Variants in LAPTM4B observed in about 807,000 individuals in gnomAD.
LAPTM4B encodes lysosomal-associated transmembrane protein 4B.
In LAPTM4B, 26 loss-of-function variants were observed where a neutral mutation model predicts 28.5. The ratio of observed to expected loss-of-function variants is 0.91; its 90% CI spans 0.67 to 1.27. The LOEUF (loss-of-function observed/expected upper bound fraction) is 1.27. Ranked by LOEUF, LAPTM4B falls within the 50% of genes most tolerant of loss-of-function variation. The pLI, the probability that LAPTM4B is intolerant of heterozygous loss-of-function variation, is 0.00. For synonymous variants in LAPTM4B, 109 were observed against 106.4 expected (o/e 1.02, Z -0.15); for missense variants, 288 against 285.8 (o/e 1.01, Z -0.06).
intron 6 of LAPTM4B, among the ~76,000 whole-genome samples, chr8:97,841,392 A>G (rs1449263478): frequency 1.3e-5 from 2 of 152,190 alleles, no homozygotes; most frequent in Admixed American, 6.5e-5. Context: ...CAATGGCACG[A>G]TCTTGGCTTA....
At chr8:97,832,859 G>A (rs1190033894) in intron 6 of LAPTM4B, among the ~76,000 whole-genome samples, 8 of 149,212 alleles carry the variant, frequency 5.4e-5, no homozygotes, top group South Asian at 2.1e-4. Flanking sequence ...GGTGCGCACC[G>A]CCACGCCTGG....
In LAPTM4B at chr8:97,775,951, C is replaced by A. The variant is rs562047277; in HGVS notation, c.-59C>A. Reference sequence around the variant, plus strand: ...CAGCAGCGGCGCGGCGGGCTCCAGGCGAGGCGGTCGACGCTCCTGAAAACT... The same window carrying A: ...CAGCAGCGGCGCGGCGGGCTCCAGGAGAGGCGGTCGACGCTCCTGAAAACT... On this transcript the variant is annotated 5_prime_UTR_variant, in exon 1 of 7. Transcript: ENST00000521545. The A allele has an allele frequency of 2.3e-4, 352 of 1,502,152 alleles. 5 individuals are homozygous for A. The South Asian group carries it at 4.0e-3, about 17-fold the overall frequency. The allele number at this position is 1,502,152 out of a possible 1,614,324, so 93.1% of individuals were successfully genotyped here.
intron 1 of LAPTM4B, among the ~76,000 whole-genome samples, chr8:97,778,076 A>C (rs1024057700): frequency 3.3e-5 from 5 of 152,204 alleles, no homozygotes; most frequent in Admixed American, 6.5e-5. Flanking sequence ...AGTACTCAGC[A>C]TGCTTTGTCT....
intron 1 of LAPTM4B, among the ~76,000 whole-genome samples, chr8:97,783,777 G>A (rs890620201): frequency 6.6e-6 from 1 of 152,120 alleles, no homozygotes; most frequent in African/African-American, 2.4e-5. Flanking sequence ...GTTTTGCCGT[G>A]ATCTAAACCC....
intron 2 of LAPTM4B, among the ~76,000 whole-genome samples, chr8:97,805,956 AG>A (rs1816751353): frequency 6.6e-6 from 1 of 152,218 alleles, no homozygotes. Flanking sequence ...CTAGGCTCCC[AG>A]CTTGAAGATC....
chr8:97,778,497 T>C (rs1447774720), intron 1 of LAPTM4B, among the ~76,000 whole-genome samples: 1 of 152,060 alleles, frequency 6.6e-6, no homozygotes, highest in Non-Finnish European at 1.5e-5. Context: ...GCAAGCTGAC[T>C]CCCAGCACAT....
At position 97,852,282 on chromosome 8, in the gene LAPTM4B, A is replaced by G. The variant is rs1427352567; in HGVS notation, c.*808A>G. On this transcript the variant is annotated 3_prime_UTR_variant, in exon 7 of 7. Coordinates refer to ENST00000521545, the MANE Select transcript of LAPTM4B (RefSeq NM_018407.6). ...CTAGATTGGTTCAAGGAGGTCATCCAACTGACTTTATCAAGTGGAATTGGG... is the reference window on the plus strand; with the variant it reads ...CTAGATTGGTTCAAGGAGGTCATCCGACTGACTTTATCAAGTGGAATTGGG... 6.6e-6 allele frequency: 1 copy of G among 151,372 alleles called. No homozygotes were observed. Among genetic ancestry groups the G allele is most frequent in the African/African-American group, 2.4e-5 (1 of 41,390 alleles). 9.4% of individuals were successfully genotyped at this position (151,372 alleles called of 1,614,324 possible). A position where few individuals can be genotyped will look rare whatever the true frequency, so the allele number is the denominator to read the frequency against.
intron 6 of LAPTM4B, among the ~76,000 whole-genome samples, chr8:97,834,997 CAA>C (rs1189795389): frequency 1.3e-5 from 2 of 152,126 alleles, no homozygotes; most frequent in African/African-American, 4.8e-5. Context: ...TTAAGAAAAC[CAA>C]AGTTACTGAA....
Position 97,810,491 on chromosome 8 carries a change from TCTG to T in LAPTM4B, c.212-4833_212-4831del, listed in dbSNP as rs528203307. ...AGCAGGGTGAAGGGTATACGTGAAT[TCTG>T]CTGTGTTTGTAACTTTCCTATATGT... On this transcript the variant is annotated intron_variant, in intron 2 of 6. Coordinates refer to ENST00000521545, the MANE Select transcript of LAPTM4B (RefSeq NM_018407.6). Among the ~76,000 whole-genome samples the T allele has an allele frequency of 7.9e-5, 12 of 152,308 alleles. No individual in the cohort carries two copies. In the East Asian group the frequency reaches 1.9e-3, roughly 24 times the overall value.
chr8:97,808,285 C>T (rs1816782970), intron 2 of LAPTM4B, among the ~76,000 whole-genome samples: 1 of 151,710 alleles, frequency 6.6e-6, no homozygotes, highest in South Asian at 2.1e-4. Flanking sequence ...CCCATCTCTA[C>T]TAAAAACACA....
At chr8:97,809,644 G>A (rs1447889074) in intron 2 of LAPTM4B, among the ~76,000 whole-genome samples, 2 of 152,178 alleles carry the variant, frequency 1.3e-5, no homozygotes, top group East Asian at 3.9e-4. Flanking sequence ...AGGTTGCAGT[G>A]AGCCAAGATT....
intron 6 of LAPTM4B, among the ~76,000 whole-genome samples, chr8:97,827,678 C>T (rs1817111907): frequency 1.3e-5 from 2 of 152,092 alleles, no homozygotes; most frequent in African/African-American, 4.8e-5. Context: ...ATTATGTGCG[C>T]ATCTAAGCGA....
intron 3 of LAPTM4B, 102 bp downstream of exon 3, chr8:97,815,503 A>G: frequency 2.5e-6 from 2 of 812,070 alleles, no homozygotes; most frequent in Non-Finnish European, 4.1e-6. Context: ...TTTTCTGTTA[A>G]GAATCTCTGT....
rs572629751 is a variant in LAPTM4B, at chr8:97,848,038, C to T, written c.604-3359C>T. Among the ~76,000 whole-genome samples the T allele has an allele frequency of 1.7e-3, 255 of 152,152 alleles. 1 individual carries two copies. The highest frequency in any genetic ancestry group is 3.9e-3 in the Admixed American group (60 of 15,290). Reference sequence around the variant, plus strand: ...CTGTACTTTGGGAGGCTGAGGCAGTCGGATCACCTGAGGGCAGAAGTTCTG... The same window carrying T: ...CTGTACTTTGGGAGGCTGAGGCAGTTGGATCACCTGAGGGCAGAAGTTCTG... On this transcript the variant is annotated intron_variant, in intron 6 of 6. Coordinates refer to ENST00000521545, the MANE Select transcript of LAPTM4B (RefSeq NM_018407.6).
In LAPTM4B at chr8:97,819,195, TC is replaced by T. The variant is rs1249280663; in HGVS notation, c.466del (p.Ile157LeufsTer10). Reference sequence around the variant, plus strand: ...ATGTCAGTGAATCCTACCTGTTTGGTCCTTATTATTCTTCTGTTTATTAGCA... The same window carrying T: ...ATGTCAGTGAATCCTACCTGTTTGGTCTTATTATTCTTCTGTTTATTAGCA... Reference protein sequence around the residue: ...DVMSVNPTCLVLIILLFISII... With the variant: ...DVMSVNPTCLXLIILLFISII... On this transcript the variant is annotated frameshift_variant, in exon 5 of 7. Transcript: ENST00000521545. LOFTEE classifies it high-confidence loss of function. 2 of 1,608,792 alleles carry T rather than the reference TC, an allele frequency of 1.2e-6. No homozygotes were observed. Among genetic ancestry groups the T allele is most frequent in the African/African-American group, 2.7e-5 (2 of 74,790 alleles).
intron 6 of LAPTM4B, among the ~76,000 whole-genome samples, chr8:97,838,207 A>G (rs1272244937): frequency 4.6e-5 from 7 of 152,190 alleles, no homozygotes; most frequent in Admixed American, 4.6e-4. Flanking sequence ...GTCACTTAAC[A>G]TATACAATCA....
intron 6 of LAPTM4B, among the ~76,000 whole-genome samples, chr8:97,829,587 G>A (rs1347819874): frequency 2.0e-5 from 3 of 152,104 alleles, no homozygotes; most frequent in Non-Finnish European, 2.9e-5. Context: ...AACAGGGGGT[G>A]TGGAATTGAT....
chr8:97,822,945 A>C (rs1240826012), intron 5 of LAPTM4B, among the ~76,000 whole-genome samples: 6 of 151,524 alleles, frequency 4.0e-5, no homozygotes, highest in Non-Finnish European at 8.8e-5. Context: ...GGGTTCAAGC[A>C]ATTGTCCTGC....
intron 3 of LAPTM4B, 128 bp downstream of exon 3, chr8:97,815,529 G>T: frequency 1.4e-6 from 1 of 722,440 alleles, no homozygotes; most frequent in Non-Finnish European, 2.3e-6. Context: ...TCTCTCGTTT[G>T]TATTATGTGG....
Sources: gnomAD v4.1 joint callset for allele counts (sites outside exome capture counted in the v4.1 genomes callset) on GRCh38, gnomAD v4.1.1 for gene constraint, MANE v1.5 for transcripts, NCBI Gene and HGNC (gene_info 2026-07-23, HGNC 2026-07-21) for gene names.